Variants in KCNG2 observed in about 807,000 individuals in gnomAD.
KCNG2 encodes potassium voltage-gated channel modifier subfamily G member 2.
Under a neutral mutation model 12.3 loss-of-function variants are expected in KCNG2, and 7 were observed. That is an observed-to-expected ratio of 0.57 (90% CI 0.32 to 1.07). The LOEUF is 1.07. Among genes scored for constraint, KCNG2 ranks in the 50% least tolerant of loss-of-function variants. The pLI is 0.04. For synonymous variants in KCNG2, 414 were observed against 351.4 expected (o/e 1.18, Z -1.99); for missense variants, 703 against 726.0 (o/e 0.97, Z 0.36).
chr18:79,851,525 G>T (rs969100554), intron 1 of KCNG2, among the ~76,000 whole-genome samples: 16 of 152,216 alleles, frequency 1.1e-4, no homozygotes, highest in Middle Eastern at 3.2e-3. Flanking sequence ...ACCAGTAAGA[G>T]CAGACACTGC....
At chr18:79,882,003 A>G (rs1980315366) in intron 3 of KCNG2, among the ~76,000 whole-genome samples, 1 of 152,236 alleles carries the variant, frequency 6.6e-6, no homozygotes, top group East Asian at 1.9e-4. Context: ...GAACTCCCAT[A>G]TTTTAAAAAA....
intron 3 of KCNG2, among the ~76,000 whole-genome samples, chr18:79,888,099 C>T (rs1980597292): frequency 6.6e-6 from 1 of 152,200 alleles, no homozygotes; most frequent in Admixed American, 6.5e-5. Flanking sequence ...AGGACAAAAC[C>T]CACACCCCAG....
chr18:79,841,825 C>T (rs1430381293), intron 1 of KCNG2, among the ~76,000 whole-genome samples: 2 of 152,150 alleles, frequency 1.3e-5, no homozygotes, highest in African/African-American at 4.8e-5. Flanking sequence ...GAGATTAGCA[C>T]CTGAATGGAG....
Position 79,899,140 on chromosome 18 carries a change from G to C in KCNG2, c.725G>C (p.Ser242Thr). ...CTGCTGCGCTCCCTGCAGGCCGAGA[G>C]CAAGTGCGCCTTCCTGCGCGCGCCA... The part of the protein sequence containing the change: ...EFLLRSLQAE[S>T]KCAFLRAPLN... The change falls in exon 4 of 4, where the codon AGC becomes ACC. Residue 242 changes from serine to threonine, a missense_variant. By Grantham distance (58) the Ser-to-Thr change is moderately conservative (BLOSUM62 1). Coordinates refer to ENST00000316249, the MANE Select transcript of KCNG2 (RefSeq NM_012283.2). The C allele has an allele frequency of 1.2e-6, 2 of 1,607,688 alleles. No homozygotes were observed. Among genetic ancestry groups the C allele is most frequent in the Non-Finnish European group, 8.5e-7 (1 of 1,179,550 alleles).
At chr18:79,859,409 G>A (rs1254970390) in intron 2 of KCNG2, among the ~76,000 whole-genome samples, 1 of 152,244 alleles carries the variant, frequency 6.6e-6, no homozygotes, top group Admixed American at 6.5e-5. Context: ...GGCAGCTCCA[G>A]TCATGGCAGA....
At chr18:79,871,021 G>A (rs980356642) in intron 3 of KCNG2, among the ~76,000 whole-genome samples, 1 of 152,138 alleles carries the variant, frequency 6.6e-6, no homozygotes, top group Non-Finnish European at 1.5e-5. Context: ...CTGGGTCTGA[G>A]TTCCAATCCA....
At chr18:79,817,586 C>A (rs552181912) in intron 1 of KCNG2, among the ~76,000 whole-genome samples, 1 of 152,366 alleles carries the variant, frequency 6.6e-6, no homozygotes, top group South Asian at 2.1e-4. Context: ...AGTTCTCACA[C>A]AGATGGTTGT....
At chr18:79,829,816 G>A (rs1462268271) in intron 1 of KCNG2, among the ~76,000 whole-genome samples, 1 of 152,190 alleles carries the variant, frequency 6.6e-6, no homozygotes, top group African/African-American at 2.4e-5. Context: ...CCTTGTGTCT[G>A]AGCCTCCAGG....
intron 1 of KCNG2, among the ~76,000 whole-genome samples, chr18:79,837,259 G>A (rs539360455): frequency 2.0e-5 from 3 of 152,372 alleles, no homozygotes; most frequent in African/African-American, 7.2e-5. Flanking sequence ...AGGTCACACT[G>A]ATGCAAGAAG....
chr18:79,852,677 G>A (rs1209309542), intron 1 of KCNG2, among the ~76,000 whole-genome samples: 2 of 152,244 alleles, frequency 1.3e-5, no homozygotes, highest in Non-Finnish European at 2.9e-5. Context: ...ACCTGGGCGT[G>A]GGCCACCCTC....
chr18:79,863,353 G>A (rs865966651), intron 2 of KCNG2, among the ~76,000 whole-genome samples: 12 of 152,268 alleles, frequency 7.9e-5, no homozygotes, highest in Non-Finnish European at 1.5e-4. Flanking sequence ...GTTCGACCCC[G>A]TGTTCCAAGT....
intron 1 of KCNG2, among the ~76,000 whole-genome samples, chr18:79,838,831 A>ATCT (rs1394964856): frequency 6.6e-6 from 1 of 152,260 alleles, no homozygotes. Flanking sequence ...ACATTAGAAA[A>ATCT]AAGGAAAAAC....
At chr18:79,868,840 G>C (rs960823316) in intron 3 of KCNG2, among the ~76,000 whole-genome samples, 2 of 152,250 alleles carry the variant, frequency 1.3e-5, no homozygotes, top group African/African-American at 4.8e-5. Context: ...GCTGCTGAGG[G>C]ACGGCAGTGG....
chr18:79,837,352 G>C (rs1978339580), intron 1 of KCNG2, among the ~76,000 whole-genome samples: 1 of 152,208 alleles, frequency 6.6e-6, no homozygotes, highest in African/African-American at 2.4e-5. Context: ...TGCTGGCTCT[G>C]AGTGATGGTG....
chr18:79,896,276 A>G (rs570862213), intron 3 of KCNG2, among the ~76,000 whole-genome samples: 2 of 151,508 alleles, frequency 1.3e-5, no homozygotes, highest in East Asian at 3.9e-4. Flanking sequence ...CACTAATGAT[A>G]TTTTAAAGTT....
intron 1 of KCNG2, among the ~76,000 whole-genome samples, chr18:79,805,800 C>T (rs1032583300): frequency 3.3e-5 from 5 of 152,168 alleles, no homozygotes; most frequent in African/African-American, 1.2e-4. Context: ...AATGTCTCCA[C>T]CTGCTAAAAT....
At position 79,899,425 on chromosome 18, in the gene KCNG2, C is replaced by T; in HGVS notation, c.1010C>T (p.Ala337Val). ...CTCTGCGTGGCCATGGCGCTCTTCG[C>T]GCCACTGGTGCACCTGGCCGAGCGC... ...LFLCVAMALF[A>V]PLVHLAEREL... is the part of the protein sequence containing the mutation. The change falls in exon 4 of 4, where the codon GCG becomes GTG. Residue 337 changes from alanine to valine, a missense_variant. Coordinates refer to ENST00000316249, the MANE Select transcript of KCNG2 (RefSeq NM_012283.2). The T allele has an allele frequency of 1.3e-6, 2 of 1,590,464 alleles. No individual in the cohort carries two copies. The highest frequency in any genetic ancestry group is 8.5e-7 in the Non-Finnish European group (1 of 1,171,952).
chr18:79,807,838 C>T (rs1176268606), intron 1 of KCNG2, among the ~76,000 whole-genome samples: 5 of 132,808 alleles, frequency 3.8e-5, no homozygotes, highest in Non-Finnish European at 6.4e-5. Context: ...GAGGAGCTGC[C>T]GGGGCCGCGC....
At chr18:79,868,904 G>GT (rs1979717184) in intron 3 of KCNG2, among the ~76,000 whole-genome samples, 1 of 152,232 alleles carries the variant, frequency 6.6e-6, no homozygotes, top group African/African-American at 2.4e-5. Context: ...CTTCAGTGCT[G>GT]TTTGTCAGGA....
Sources: allele counts gnomAD v4.1 joint callset (sites outside exome capture counted in the v4.1 genomes callset), GRCh38; gene constraint gnomAD v4.1.1; transcripts MANE v1.5; gene names NCBI Gene and HGNC (gene_info 2026-07-23, HGNC 2026-07-21).